The following GRM4 variants were observed in gnomAD, a reference collection of about 807,000 sequenced individuals.
GRM4 encodes the protein glutamate metabotropic receptor 4, also known as metabotropic glutamate receptor 4.
In GRM4, 28 loss-of-function variants were observed where a neutral mutation model predicts 81.7. That is an observed-to-expected ratio of 0.34 (90% CI 0.25 to 0.47). The LOEUF (loss-of-function observed/expected upper bound fraction) is 0.47. GRM4 is among the 20% of genes least tolerant of loss of function. The pLI is 1.00. For missense variants in GRM4, 948 were observed against 1,290.0 expected (o/e 0.73, Z 4.06); for synonymous variants, 488 against 528.8 (o/e 0.92, Z 1.06).
chr6:34,057,896 A>G (rs1765988027), intron 5 of GRM4, among the ~76,000 whole-genome samples: 1 of 152,148 alleles, frequency 6.6e-6, no homozygotes, highest in Admixed American at 6.5e-5. Context: ...GCACCATAGC[A>G]GTTATTGTTA....
chr6:34,151,262 T>C (rs1379064404), intron 1 of GRM4, among the ~76,000 whole-genome samples: 3 of 152,326 alleles, frequency 2.0e-5, no homozygotes, highest in Middle Eastern at 6.8e-3. Context: ...GTCCAACAAA[T>C]TGTTAAATGA....
In GRM4 at chr6:34,132,517, C is replaced by T. The variant is rs528134580; in HGVS notation, c.519+461G>A. 8.5e-5 allele frequency among the ~76,000 whole-genome samples: 13 copies of T among 152,340 alleles called. No homozygotes were observed. In the South Asian group the frequency reaches 2.7e-3, roughly 32 times the overall value. The stretch of plus-strand genomic sequence containing the variant: ...TCAAAACAAAAGTCTTGCTTTTTCT[C>T]CCTGGCAATCTCCAGCATTCATATT... On this transcript the variant is annotated intron_variant, in intron 2 of 10. Coordinates refer to ENST00000538487, the MANE Select transcript of GRM4 (RefSeq NM_000841.4).
chr6:34,054,033 T>A (rs772776377), intron 6 of GRM4: 18 of 152,312 alleles, frequency 1.2e-4, no homozygotes, highest in Middle Eastern at 3.4e-3. Context: ...AGTGCCTCCA[T>A]TAACGCTTCA....
At chr6:34,076,607 G>A (rs540437230) in intron 3 of GRM4, among the ~76,000 whole-genome samples, 1 of 152,332 alleles carries the variant, frequency 6.6e-6, no homozygotes, top group African/African-American at 2.4e-5. Flanking sequence ...TGGTGGAGGG[G>A]GTGGTAACAG....
chr6:34,107,721 G>A (rs578119095), intron 2 of GRM4, among the ~76,000 whole-genome samples: 2 of 152,298 alleles, frequency 1.3e-5, no homozygotes, highest in South Asian at 2.1e-4. Context: ...AAACTAAAAG[G>A]CCAAAACAGA....
intron 1 of GRM4, chr6:34,154,973 G>A: frequency 3.2e-6 from 3 of 945,160 alleles, no homozygotes; most frequent in Non-Finnish European, 4.4e-6. Context: ...CCGGGCCTGG[G>A]GCGGGTCCGA....
rs539973990 is a variant in GRM4 at position 34,132,911 on chromosome 6, C to T, written c.519+67G>A. On this transcript the variant is annotated intron_variant, in intron 2 of 10. Coordinates refer to ENST00000538487, the MANE Select transcript of GRM4 (RefSeq NM_000841.4). ...AGGGGCTGGTCGGCCAGGCCTGGCA[C>T]CCTGAAGTGGGGCGGGCAGAGTCCG... is the stretch of plus-strand genomic sequence containing the variant. The T allele has an allele frequency of 4.6e-5, 63 of 1,365,418 alleles. 1 individual carries two copies. The South Asian group carries it at 7.9e-4, about 17-fold the overall frequency. 84.6% of individuals were successfully genotyped at this position (1,365,418 alleles called of 1,614,324 possible).
chr6:34,123,435 G>A (rs1769894312), intron 2 of GRM4, among the ~76,000 whole-genome samples: 2 of 152,124 alleles, frequency 1.3e-5, no homozygotes, highest in African/African-American at 4.8e-5. Flanking sequence ...AACATGACCG[G>A]GCCCTGTGTG....
Position 34,133,571 on chromosome 6 carries a change from G to A in GRM4, c.-75C>T, listed in dbSNP as rs1770337737. On this transcript the variant is annotated 5_prime_UTR_variant, in exon 2 of 11. Coordinates refer to ENST00000538487, the MANE Select transcript of GRM4 (RefSeq NM_000841.4). This position sits in a 1 kb window ranked among gnomAD's most constrained non-coding sequence, Gnocchi z 6.5. Reference sequence around the variant, plus strand: ...GCAGGCCCCTGGCCCCACGGCCTGGGTGGGCATGGGCAGGGCAGCTTCAGC... The same window carrying A: ...GCAGGCCCCTGGCCCCACGGCCTGGATGGGCATGGGCAGGGCAGCTTCAGC... The A allele has an allele frequency of 6.7e-7, 1 of 1,493,696 alleles. No individual in the cohort carries two copies. Among genetic ancestry groups the A allele is most frequent in the Non-Finnish European group, 8.9e-7 (1 of 1,129,266 alleles). 92.5% of individuals were successfully genotyped at this position (1,493,696 alleles called of 1,614,324 possible). A position where few individuals can be genotyped will look rare whatever the true frequency, so the allele number is the denominator to read the frequency against.
In GRM4 at chr6:34,062,041, C is replaced by A. The variant is rs1315572776; in HGVS notation, c.737-13G>T. On this transcript the variant is annotated splice_polypyrimidine_tract_variant and intron_variant, in intron 3 of 10. Coordinates refer to ENST00000538487, the MANE Select transcript of GRM4 (RefSeq NM_000841.4). ...ATGCACACGCCCCCTGCAGGAGGGG[C>A]ACCAGTTAGTTGGGGTGGGCAGGGG... is the stretch of plus-strand genomic sequence containing the variant. 2 of 1,601,860 alleles carry A rather than the reference C, an allele frequency of 1.2e-6. No homozygotes were observed. The highest frequency in any genetic ancestry group is 1.7e-6 in the Non-Finnish European group (2 of 1,171,226).
rs1768058369 is a variant in GRM4, at chr6:34,089,040, C to T, written c.736+2843G>A. Among the ~76,000 whole-genome samples, 1 of 152,098 alleles carries T rather than the reference C, an allele frequency of 6.6e-6. No homozygotes were observed. The highest frequency in any genetic ancestry group is 1.5e-5 in the Non-Finnish European group (1 of 68,010). Reference sequence around the variant, plus strand: ...TAGCTCTGTGGCCTTGGGAAAGTGACCCACCCCCTCTGGCCTCCATTTCCC... The same window carrying T: ...TAGCTCTGTGGCCTTGGGAAAGTGATCCACCCCCTCTGGCCTCCATTTCCC... On this transcript the variant is annotated intron_variant, in intron 3 of 10. Coordinates refer to ENST00000538487, the MANE Select transcript of GRM4 (RefSeq NM_000841.4). This position sits in a 1 kb window ranked among gnomAD's most constrained non-coding sequence, Gnocchi z 4.3.
intron 2 of GRM4, among the ~76,000 whole-genome samples, chr6:34,093,921 C>A (rs1023987984): frequency 2.7e-4 from 41 of 152,214 alleles, no homozygotes; most frequent in African/African-American, 9.6e-4. Context: ...CACTGCAGCT[C>A]TTGTAGTCTT....
upstream of GRM4, among the ~76,000 whole-genome samples, chr6:34,148,703 C>T (rs899401746): frequency 1.3e-5 from 2 of 152,178 alleles, no homozygotes; most frequent in Non-Finnish European, 2.9e-5. Flanking sequence ...GAGACTTCTG[C>T]GCTAAGAACC....
At position 34,133,590 on chromosome 6, in the gene GRM4, C is replaced by A; in HGVS notation, c.-94G>T. On this transcript the variant is annotated 5_prime_UTR_variant, in exon 2 of 11. Transcript: ENST00000538487. This position sits in a 1 kb window ranked among gnomAD's most constrained non-coding sequence, Gnocchi z 6.5. ...GCCTGGGTGGGCATGGGCAGGGCAG[C>A]TTCAGCAGCAGGGGGACTGAGGGCA... 1 of 1,482,430 alleles carries A rather than the reference C, an allele frequency of 6.7e-7. No individual in the cohort carries two copies. Among genetic ancestry groups the A allele is most frequent in the Non-Finnish European group, 8.9e-7 (1 of 1,124,728 alleles). The allele number at this position is 1,482,430 out of a possible 1,614,324, so 91.8% of individuals were successfully genotyped here. A position where few individuals can be genotyped will look rare whatever the true frequency, so the allele number is the denominator to read the frequency against.
chr6:34,030,073 C>T (rs537996134), intron 9 of GRM4, among the ~76,000 whole-genome samples: 1 of 152,332 alleles, frequency 6.6e-6, no homozygotes, highest in South Asian at 2.1e-4. Flanking sequence ...GACCAGCCAG[C>T]GGGGCCGTGC....
chr6:34,024,438 C>T (rs533508665), intron 10 of GRM4: 66 of 309,852 alleles, frequency 2.1e-4, no homozygotes, highest in Admixed American at 9.4e-4. Context: ...TGTCCTATTA[C>T]GGCAGAGAGC....
rs1410424166 is a variant in GRM4, at chr6:34,022,851, A to C, written c.2709T>G (p.Thr903=). 1 of 1,614,058 alleles carries C rather than the reference A, an allele frequency of 6.2e-7. No homozygotes were observed. Among genetic ancestry groups the C allele is most frequent in the South Asian group, 1.1e-5 (1 of 91,082 alleles). Residue 903 remains threonine, a synonymous_variant, in exon 11 of 11, where the codon ACT becomes ACG. Coordinates refer to ENST00000538487, the MANE Select transcript of GRM4 (RefSeq NM_000841.4). The surrounding 1 kb of genome is among the most constrained non-coding windows in gnomAD (Gnocchi z 5.6). The part of the protein sequence containing the change: ...LEAPALATKQ[T]YVTYTNHAI ...TTGCATGGTTGGTGTAAGTGACGTA[A>C]GTCTGTTTGGTGGCCAGCGCTGGAA...
At chr6:34,132,327 T>C (rs910212785) in intron 2 of GRM4, among the ~76,000 whole-genome samples, 1 of 152,100 alleles carries the variant, frequency 6.6e-6, no homozygotes, top group Non-Finnish European at 1.5e-5. Context: ...TTTCCCGTCC[T>C]CATCTGCATT....
At chr6:34,032,597 T>C (rs916599766) in intron 9 of GRM4, among the ~76,000 whole-genome samples, 4 of 152,140 alleles carry the variant, frequency 2.6e-5, no homozygotes, top group Admixed American at 2.6e-4. Context: ...AGCACACTGG[T>C]GTGAGGCCAG....
Sources: gnomAD v4.1 joint callset for allele counts (sites outside exome capture counted in the v4.1 genomes callset) on GRCh38, gnomAD v4.1.1 for gene constraint, Gnocchi (gnomAD v3.1) non-coding constraint, MANE v1.5 for transcripts, NCBI Gene and HGNC (gene_info 2026-07-23, HGNC 2026-07-21) for gene names.